The following DLG2 variants were observed in gnomAD, a reference collection of about 807,000 sequenced individuals.
DLG2 encodes discs large MAGUK scaffold protein 2.
DLG2 carries 45 observed loss-of-function variants against 132.5 expected under a neutral mutation model. That is an observed-to-expected ratio of 0.34 (90% CI 0.27 to 0.44). The LOEUF (loss-of-function observed/expected upper bound fraction) is 0.44, where lower values mean the gene tolerates loss of function less well. Among genes scored for constraint, DLG2 ranks in the 20% least tolerant of loss-of-function variants. The pLI is 1.00. For missense variants in DLG2, 1,045 were observed against 1,196.9 expected (o/e 0.87, Z 1.87); for synonymous variants, 424 against 419.6 (o/e 1.01, Z -0.13).
chr11:83,480,278 G>A, intron 22 of DLG2: 1 of 951,390 alleles, frequency 1.1e-6, no homozygotes, highest in Non-Finnish European at 1.6e-6. Flanking sequence ...ATAAAAGGTA[G>A]CAATTGAAAA....
At chr11:85,002,751 G>A (rs1404593529) in intron 6 of DLG2, among the ~76,000 whole-genome samples, 1 of 151,960 alleles carries the variant, frequency 6.6e-6, no homozygotes, top group East Asian at 1.9e-4. Flanking sequence ...GTTACACTGA[G>A]TGTGCCGCTT....
intron 6 of DLG2, among the ~76,000 whole-genome samples, chr11:85,031,458 C>G (rs2060993884): frequency 6.6e-6 from 1 of 152,056 alleles, no homozygotes; most frequent in Non-Finnish European, 1.5e-5. Context: ...TCATACTATA[C>G]TTACTTTTAT....
At chr11:85,372,084 G>C (rs2085026049) in intron 3 of DLG2, among the ~76,000 whole-genome samples, 1 of 152,278 alleles carries the variant, frequency 6.6e-6, no homozygotes, top group East Asian at 1.9e-4. Context: ...AACCCTGCTT[G>C]TTCCTTTGAA....
chr11:85,449,790 G>GTT (rs60329092), intron 3 of DLG2, among the ~76,000 whole-genome samples: 3,320 of 144,320 alleles, frequency 0.023, 74 homozygotes, highest in African/African-American at 0.059. Flanking sequence ...ACTACCTAAA[G>GTT]TTTTTTTTTT....
chr11:85,502,376 CA>C (rs2093825096), intron 3 of DLG2, among the ~76,000 whole-genome samples: 1 of 151,440 alleles, frequency 6.6e-6, no homozygotes, highest in Non-Finnish European at 1.5e-5. Context: ...ACCTGTGTAA[CA>C]AAACTGCACG....
chr11:83,703,075 T>A (rs978600671), intron 18 of DLG2, among the ~76,000 whole-genome samples: 2 of 152,240 alleles, frequency 1.3e-5, no homozygotes, highest in Admixed American at 6.5e-5. Context: ...AACTCTCACA[T>A]AGCCCCAGGA....
chr11:84,974,278 T>C (rs1241273275), intron 6 of DLG2, among the ~76,000 whole-genome samples: 1 of 152,214 alleles, frequency 6.6e-6, no homozygotes, highest in Non-Finnish European at 1.5e-5. Context: ...AGAGGTGAAA[T>C]TGCTTCTTTG....
At chr11:83,943,971 C>T (rs774485640) in intron 14 of DLG2, among the ~76,000 whole-genome samples, 41 of 152,192 alleles carry the variant, frequency 2.7e-4, no homozygotes, top group African/African-American at 5.3e-4. Flanking sequence ...AGATAATATA[C>T]GCAAAGCCTT....
At chr11:84,062,731 T>C (rs577728141) in intron 10 of DLG2, among the ~76,000 whole-genome samples, 1 of 52,546 alleles carries the variant, frequency 1.9e-5, no homozygotes, top group East Asian at 4.7e-4. Flanking sequence ...GAGTTGATTG[T>C]TTTAATTTTT....
At chr11:85,588,598 ATTTG>A (rs969228278) in intron 3 of DLG2, among the ~76,000 whole-genome samples, 1 of 151,942 alleles carries the variant, frequency 6.6e-6, no homozygotes, top group Admixed American at 6.6e-5. Flanking sequence ...TGTTTTTTAA[ATTTG>A]TTTAAATTGG....
chr11:85,366,789 T>C (rs990033014), intron 3 of DLG2, among the ~76,000 whole-genome samples: 1 of 152,166 alleles, frequency 6.6e-6, no homozygotes, highest in African/African-American at 2.4e-5. Context: ...AACAAATGTT[T>C]CTCTGTTAAC....
At chr11:84,595,147 AT>A (rs1340573693) in intron 6 of DLG2, among the ~76,000 whole-genome samples, 2 of 152,042 alleles carry the variant, frequency 1.3e-5, no homozygotes, top group African/African-American at 4.8e-5. Context: ...AAAAAGTTCT[AT>A]TTCTGAAGCA....
chr11:83,989,519 A>T (rs2093580777), intron 11 of DLG2, among the ~76,000 whole-genome samples: 1 of 152,188 alleles, frequency 6.6e-6, no homozygotes, highest in South Asian at 2.1e-4. Context: ...GGGAAGCATG[A>T]CTTACTTCTT....
chr11:84,194,907 C>T (rs1174539475), intron 8 of DLG2, among the ~76,000 whole-genome samples: 1 of 152,166 alleles, frequency 6.6e-6, no homozygotes, highest in South Asian at 2.1e-4. Flanking sequence ...GCCTATTGAG[C>T]CTGCGCCCAC....
chr11:85,390,785 A>G (rs2086731174), intron 3 of DLG2, among the ~76,000 whole-genome samples: 1 of 152,108 alleles, frequency 6.6e-6, no homozygotes, highest in South Asian at 2.1e-4. Flanking sequence ...GGATATAACA[A>G]AAGCAGTGCT....
intron 6 of DLG2, among the ~76,000 whole-genome samples, chr11:84,814,008 A>C (rs1227683479): frequency 6.6e-6 from 1 of 152,176 alleles, no homozygotes; most frequent in Non-Finnish European, 1.5e-5. Flanking sequence ...ATATTCCTGC[A>C]GAGTAACCCC....
At chr11:84,846,499 T>C (rs2081493747) in intron 6 of DLG2, among the ~76,000 whole-genome samples, 1 of 152,144 alleles carries the variant, frequency 6.6e-6, no homozygotes, top group Non-Finnish European at 1.5e-5. Flanking sequence ...ATCTCCATTG[T>C]TTCTGCTCTG....
intron 15 of DLG2, among the ~76,000 whole-genome samples, chr11:83,881,378 C>T (rs567980240): frequency 1.3e-5 from 2 of 152,096 alleles, no homozygotes; most frequent in Admixed American, 1.3e-4. Flanking sequence ...TTTAATGGTA[C>T]CGATTTTGAT....
At chr11:83,758,591 C>T (rs763576175) in intron 18 of DLG2, among the ~76,000 whole-genome samples, 4 of 152,036 alleles carry the variant, frequency 2.6e-5, no homozygotes, top group Non-Finnish European at 5.9e-5. Context: ...CTTAGTTTTG[C>T]CAAGTCTCAG....
Sources: allele counts gnomAD v4.1 joint callset (sites outside exome capture counted in the v4.1 genomes callset), GRCh38; gene constraint gnomAD v4.1.1; transcripts MANE v1.5; gene names NCBI Gene and HGNC (gene_info 2026-07-23, HGNC 2026-07-21).